PDE1A: variants seen among roughly 807,000 people sequenced by gnomAD.
The protein encoded by PDE1A is phosphodiesterase 1A.
PDE1A carries 35 observed loss-of-function variants against 61.7 expected under a neutral mutation model. The ratio of observed to expected loss-of-function variants is 0.57; its 90% CI spans 0.43 to 0.75. The LOEUF is 0.75. Among genes scored for constraint, PDE1A ranks in the 30% least tolerant of loss-of-function variants. The pLI is 0.00. For missense variants in PDE1A, 597 were observed against 630.6 expected (o/e 0.95, Z 0.57); for synonymous variants, 232 against 213.2 (o/e 1.09, Z -0.77).
chr2:182,592,892 C>T, the PDE1A span, among the ~76,000 whole-genome samples: 78 of 152,258 alleles, frequency 5.1e-4, no homozygotes, highest in African/African-American at 1.8e-3. Flanking sequence ...TCTGCTAATC[C>T]ACCCAGTTAG....
intron 7 of PDE1A, among the ~76,000 whole-genome samples, chr2:182,208,826 G>C (rs1004254701): frequency 6.6e-6 from 1 of 152,176 alleles, no homozygotes; most frequent in African/African-American, 2.4e-5. Context: ...CCCTTTGTTT[G>C]GGCCAATTTC....
the PDE1A span, among the ~76,000 whole-genome samples, chr2:182,679,695 A>G: frequency 6.6e-6 from 1 of 152,232 alleles, no homozygotes; most frequent in Non-Finnish European, 1.5e-5. Flanking sequence ...ACGTGAACAC[A>G]TTTCTAGAGC....
chr2:182,176,855 G>A (rs1238518300), intron 13 of PDE1A, among the ~76,000 whole-genome samples: 40 of 150,592 alleles, frequency 2.7e-4, no homozygotes, highest in Admixed American at 8.6e-4. Context: ...TTTGAAATAC[G>A]TCCCATCAAT....
chr2:182,329,364 G>T (rs988696265), intron 1 of PDE1A, among the ~76,000 whole-genome samples: 2 of 151,982 alleles, frequency 1.3e-5, no homozygotes, highest in Non-Finnish European at 2.9e-5. Flanking sequence ...GCTGCCTTGA[G>T]ATTTATACTC....
chr2:182,674,965 T>G, the PDE1A span, among the ~76,000 whole-genome samples: 1 of 152,136 alleles, frequency 6.6e-6, no homozygotes, highest in African/African-American at 2.4e-5. Flanking sequence ...TATTTAACTT[T>G]TATTTTAGGC....
At chr2:182,469,923 T>C (rs1052656195) in intron 2 of PDE1A, among the ~76,000 whole-genome samples, 1 of 151,766 alleles carries the variant, frequency 6.6e-6, no homozygotes, top group African/African-American at 2.4e-5. Flanking sequence ...ACATGTAACA[T>C]TTAAGTTCTC....
At chr2:182,251,273 A>C (rs570176870) in intron 2 of PDE1A, among the ~76,000 whole-genome samples, 1 of 152,266 alleles carries the variant, frequency 6.6e-6, no homozygotes, top group East Asian at 1.9e-4. Flanking sequence ...TTATCAGTAC[A>C]AAAAAAGGTT....
chr2:182,356,977 A>C (rs2125137517), intron 1 of PDE1A, among the ~76,000 whole-genome samples: 1 of 152,242 alleles, frequency 6.6e-6, no homozygotes, highest in South Asian at 2.1e-4. Flanking sequence ...TGGGAATTGA[A>C]CAATGAGAAC....
chr2:182,307,808 A>G (rs1161081287), intron 1 of PDE1A, among the ~76,000 whole-genome samples: 1 of 152,120 alleles, frequency 6.6e-6, no homozygotes, highest in East Asian at 1.9e-4. Flanking sequence ...GTGAGCTATG[A>G]TTATGCCACT....
chr2:182,661,070 A>G, the PDE1A span, among the ~76,000 whole-genome samples: 5 of 152,210 alleles, frequency 3.3e-5, no homozygotes, highest in African/African-American at 7.2e-5. Flanking sequence ...TCTGAATGAC[A>G]TGTTTGACAT....
intron 1 of PDE1A, among the ~76,000 whole-genome samples, chr2:182,314,734 G>A (rs1263770731): frequency 1.3e-5 from 2 of 152,086 alleles, no homozygotes; most frequent in Non-Finnish European, 2.9e-5. Flanking sequence ...GAAACTTTTT[G>A]GGGTAATGTC....
chr2:182,670,345 T>C, the PDE1A span, among the ~76,000 whole-genome samples: 1 of 152,136 alleles, frequency 6.6e-6, no homozygotes, highest in African/African-American at 2.4e-5. Flanking sequence ...CTAGGAAGCT[T>C]GAAAAATTAA....
At chr2:182,508,696 T>C (rs1039973914) in intron 2 of PDE1A, among the ~76,000 whole-genome samples, 1 of 151,352 alleles carries the variant, frequency 6.6e-6, no homozygotes, top group Non-Finnish European at 1.5e-5. Flanking sequence ...AAGTGAGATA[T>C]TTTCCGGGGT....
At chr2:182,519,160 A>T (rs1311513087) in intron 2 of PDE1A, among the ~76,000 whole-genome samples, 1 of 152,114 alleles carries the variant, frequency 6.6e-6, no homozygotes, top group Non-Finnish European at 1.5e-5. Context: ...ATGTAGGAAG[A>T]AGTCTAGGTC....
At chr2:182,510,716 T>C (rs992205752) in intron 2 of PDE1A, among the ~76,000 whole-genome samples, 1 of 152,104 alleles carries the variant, frequency 6.6e-6, no homozygotes, top group African/African-American at 2.4e-5. Flanking sequence ...AGACCTAAAA[T>C]CCACTATAAG....
the PDE1A span, among the ~76,000 whole-genome samples, chr2:182,669,337 T>C: frequency 6.6e-6 from 1 of 152,354 alleles, no homozygotes; most frequent in South Asian, 2.1e-4. Flanking sequence ...ATTAAAGTGA[T>C]GGGAATTATT....
intron 2 of PDE1A, among the ~76,000 whole-genome samples, chr2:182,460,532 C>T (rs199736110): frequency 2.0e-5 from 3 of 152,114 alleles, no homozygotes; most frequent in East Asian, 1.9e-4. Flanking sequence ...TGTGCACCAC[C>T]GCACCCTGAT....
the PDE1A span, among the ~76,000 whole-genome samples, chr2:182,689,317 T>C: frequency 6.6e-6 from 1 of 152,144 alleles, no homozygotes; most frequent in Non-Finnish European, 1.5e-5. Flanking sequence ...ACAGAAATTA[T>C]AACAAACTGT....
Position 182,263,538 on chromosome 2 carries a change from G to T in PDE1A, c.167+763C>A, listed in dbSNP as rs150270718. Among the ~76,000 whole-genome samples, 1,280 of 152,148 alleles carry T rather than the reference G, an allele frequency of 8.4e-3. 18 individuals carry two copies. The highest frequency in any genetic ancestry group is 0.029 in the African/African-American group (1,208 of 41,510). On this transcript the variant is annotated intron_variant, in intron 2 of 13. Coordinates refer to ENST00000351439, the Ensembl canonical transcript of PDE1A. ...AATTAGCACCTTTTCCATGTCAAAT[G>T]CTGGAAATGCATGCCTCTCTCCCCA...
Sources: gnomAD v4.1 joint callset for allele counts (sites outside exome capture counted in the v4.1 genomes callset) on GRCh38, gnomAD v4.1.1 for gene constraint, MANE v1.5 for transcripts, NCBI Gene and HGNC (gene_info 2026-07-23, HGNC 2026-07-21) for gene names.